The following PKNOX2 variants were observed in gnomAD, a reference collection of about 807,000 sequenced individuals.
PKNOX2 encodes homeobox protein PKNOX2.
PKNOX2 carries 14 observed loss-of-function variants against 53.1 expected under a neutral mutation model. The ratio of observed to expected loss-of-function variants is 0.26; its 90% confidence interval spans 0.17 to 0.41. The LOEUF (loss-of-function observed/expected upper bound fraction) is 0.41. Among genes scored for constraint, PKNOX2 ranks in the 10% least tolerant of loss-of-function variants. PKNOX2 has a pLI of 1.00. For synonymous variants in PKNOX2, 257 were observed against 242.8 expected (o/e 1.06, Z -0.54); for missense variants, 496 against 602.8 (o/e 0.82, Z 1.85).
Position 125,427,743 on chromosome 11 carries a change from A to T in PKNOX2, c.937-1269A>T, listed in dbSNP as rs181337056. On this transcript the variant is annotated intron_variant, in intron 10 of 12. Coordinates refer to ENST00000298282, the MANE Select transcript of PKNOX2 (RefSeq NM_001382323.2). ...CAAAAGGAATGATTTTAGCCTGAGG[A>T]TGCTGGATGGCTTGATCTTCTGCCA... is the stretch of plus-strand genomic sequence containing the variant. 3.9e-3 allele frequency among the ~76,000 whole-genome samples: 600 copies of T among 152,240 alleles called. 6 individuals are homozygous for T. The highest frequency in any genetic ancestry group is 4.6e-3 in the Non-Finnish European group (312 of 68,016).
intron 1 of PKNOX2, among the ~76,000 whole-genome samples, chr11:125,233,905 G>A (rs1301384611): frequency 1.3e-5 from 2 of 152,172 alleles, no homozygotes; most frequent in Non-Finnish European, 2.9e-5. Flanking sequence ...GATCCCACAG[G>A]CTAGCCTGCC....
intron 2 of PKNOX2, among the ~76,000 whole-genome samples, chr11:125,296,570 A>C (rs1415185926): frequency 1.3e-5 from 2 of 152,036 alleles, no homozygotes; most frequent in Non-Finnish European, 2.9e-5. Flanking sequence ...TGATCCTTTT[A>C]ATTCTGGCTT....
In PKNOX2 at chr11:125,422,273, T is replaced by C. The variant is rs946228732; in HGVS notation, c.937-6739T>C. ...CTTCATTCTAGACGCTGTTCAGGCA[T>C]CTGTGCCTGAAGGCCTTTAGTGTAC... On this transcript the variant is annotated intron_variant, in intron 10 of 12. Transcript: ENST00000298282. This position sits in a 1 kb window ranked among gnomAD's most constrained non-coding sequence, Gnocchi z 4.1. Among the ~76,000 whole-genome samples, 7 of 152,088 alleles carry C rather than the reference T, an allele frequency of 4.6e-5. No homozygotes were observed. The highest frequency in any genetic ancestry group is 1.4e-4 in the African/African-American group (6 of 41,402).
intron 3 of PKNOX2, among the ~76,000 whole-genome samples, chr11:125,348,968 A>G (rs946497517): frequency 2.6e-5 from 4 of 151,928 alleles, no homozygotes; most frequent in Admixed American, 2.6e-4. Context: ...CTACAGTGCT[A>G]TGGCCCTTCA....
chr11:125,292,886 G>A (rs1272519842), intron 2 of PKNOX2, among the ~76,000 whole-genome samples: 1 of 152,188 alleles, frequency 6.6e-6, no homozygotes, highest in Admixed American at 6.5e-5. Flanking sequence ...GTATGGAAGT[G>A]GGGATCTCGG....
chr11:125,416,943 G>C (rs1027243186), intron 10 of PKNOX2, among the ~76,000 whole-genome samples: 4 of 152,152 alleles, frequency 2.6e-5, no homozygotes, highest in African/African-American at 9.7e-5. Context: ...GAAGGCTCCT[G>C]AGATGGAGGT....
intron 2 of PKNOX2, among the ~76,000 whole-genome samples, chr11:125,305,505 A>AGTCT (rs1239716104): frequency 6.6e-6 from 1 of 152,198 alleles, no homozygotes; most frequent in African/African-American, 2.4e-5. Flanking sequence ...AGGCACTTGC[A>AGTCT]GTCTAGACAG....
rs960702781 is a variant in PKNOX2 at position 125,432,610 on chromosome 11, G to GC, written c.*1221dup. 83 of 152,910 alleles carry GC rather than the reference G, an allele frequency of 5.4e-4. No homozygotes were observed. The highest frequency in any genetic ancestry group is 3.4e-3 in the Middle Eastern group (1 of 298). The allele number at this position is 152,910 out of a possible 1,614,324, so 9.5% of individuals were successfully genotyped here. On this transcript the variant is annotated 3_prime_UTR_variant, in exon 13 of 13. Transcript: ENST00000298282. ...AGCTGTTCTAACCCTGCTATCCACA[G>GC]CCCTGGAGGAACTGGGGCTCCTGGA...
At chr11:125,394,517 G>C (rs1954268022) in intron 6 of PKNOX2, among the ~76,000 whole-genome samples, 1 of 152,200 alleles carries the variant, frequency 6.6e-6, no homozygotes, top group African/African-American at 2.4e-5. Flanking sequence ...CAAGCCACAA[G>C]CCCAGCCCAG....
intron 1 of PKNOX2, among the ~76,000 whole-genome samples, chr11:125,179,520 G>C (rs1012235487): frequency 6.6e-6 from 1 of 152,158 alleles, no homozygotes; most frequent in Admixed American, 6.5e-5. Flanking sequence ...AAGGCCCCCC[G>C]GCAGGGAGGA....
intron 1 of PKNOX2, among the ~76,000 whole-genome samples, chr11:125,174,293 A>G (rs1443971836): frequency 6.6e-6 from 1 of 152,140 alleles, no homozygotes; most frequent in Non-Finnish European, 1.5e-5. Context: ...CCACTATTTA[A>G]TTAGTGCCCA....
intron 5 of PKNOX2, among the ~76,000 whole-genome samples, chr11:125,376,028 C>T (rs1036610335): frequency 6.6e-6 from 1 of 152,178 alleles, no homozygotes; most frequent in Non-Finnish European, 1.5e-5. Context: ...TTTTTGCCCT[C>T]GCAGAGCAGT....
intron 2 of PKNOX2, among the ~76,000 whole-genome samples, chr11:125,312,630 C>G (rs990694450): frequency 6.6e-6 from 1 of 152,136 alleles, no homozygotes; most frequent in African/African-American, 2.4e-5. Flanking sequence ...TGCCTGCCAC[C>G]CCCCGAGTGT....
intron 2 of PKNOX2, among the ~76,000 whole-genome samples, chr11:125,305,091 C>A (rs1948343850): frequency 6.6e-6 from 1 of 152,326 alleles, no homozygotes; most frequent in South Asian, 2.1e-4. Flanking sequence ...CACACACTCA[C>A]CTCGTCTTGA....
At chr11:125,334,598 T>C (rs556405508) in intron 3 of PKNOX2, among the ~76,000 whole-genome samples, 14 of 142,404 alleles carry the variant, frequency 9.8e-5, no homozygotes, top group East Asian at 7.7e-4. Context: ...TTTTTTTTTT[T>C]TTTTCTTTTC....
intron 2 of PKNOX2, among the ~76,000 whole-genome samples, chr11:125,293,071 A>G (rs1947409885): frequency 6.6e-6 from 1 of 152,156 alleles, no homozygotes. Context: ...AAAACCACAC[A>G]TGCTTGTATA....
chr11:125,360,017 C>T (rs1951836728), intron 4 of PKNOX2, among the ~76,000 whole-genome samples: 1 of 152,138 alleles, frequency 6.6e-6, no homozygotes, highest in African/African-American at 2.4e-5. Context: ...AGCCACCATG[C>T]CCGGTGTAAT....
chr11:125,211,861 ATG>A (rs1939888861), intron 1 of PKNOX2, among the ~76,000 whole-genome samples: 1 of 152,122 alleles, frequency 6.6e-6, no homozygotes, highest in Non-Finnish European at 1.5e-5. Context: ...CAGATTGCAG[ATG>A]ACAATGATGT....
At chr11:125,338,657 C>T (rs1371905766) in intron 3 of PKNOX2, among the ~76,000 whole-genome samples, 1 of 152,190 alleles carries the variant, frequency 6.6e-6, no homozygotes, top group African/African-American at 2.4e-5. Context: ...CCTGGAAGAC[C>T]CAGACTAACA....
Sources: gnomAD v4.1 joint callset for allele counts (sites outside exome capture counted in the v4.1 genomes callset) on GRCh38, gnomAD v4.1.1 for gene constraint, Gnocchi (gnomAD v3.1) non-coding constraint, MANE v1.5 for transcripts, NCBI Gene and HGNC (gene_info 2026-07-23, HGNC 2026-07-21) for gene names.